Variants in SVOP observed in about 807,000 individuals in gnomAD.
SVOP encodes the protein SV2 related protein, also known as synaptic vesicle 2-related protein.
In SVOP, 17 loss-of-function variants were observed where a neutral mutation model predicts 69.1. That is an observed-to-expected ratio of 0.25 (90% CI 0.17 to 0.37). SVOP has a LOEUF of 0.37. SVOP is among the 10% of genes least tolerant of loss of function. The pLI, the probability that SVOP is intolerant of heterozygous loss-of-function variation, is 1.00. For synonymous variants in SVOP, 238 were observed against 238.6 expected, an observed-to-expected ratio of 1.00 and a Z score of 0.02; for missense variants, 435 against 597.5, an observed-to-expected ratio of 0.73 and a Z score of 2.84.
At chr12:108,919,511 C>A (rs1566047083) in intron 13 of SVOP, among the ~76,000 whole-genome samples, 164 bp downstream of exon 13, 1 of 151,906 alleles carries the variant, frequency 6.6e-6, no homozygotes, top group Non-Finnish European at 1.5e-5. Context: ...GCACTCACAC[C>A]TGTACCTGTA....
intron 10 of SVOP, 36 bp downstream of exon 10, chr12:108,937,228 G>A (rs2137403301): frequency 1.2e-6 from 2 of 1,609,412 alleles, no homozygotes; most frequent in Non-Finnish European, 1.7e-6. Context: ...CACAGGGAGT[G>A]GAAAGGGGTC....
At chr12:108,941,700 C>T (rs148954776) in intron 7 of SVOP, among the ~76,000 whole-genome samples, 124,189 of 151,552 alleles carry the variant, frequency 0.82, 51,030 homozygotes, top group East Asian at 0.96. Flanking sequence ...CTTGCTCTGT[C>T]GCCCAGGCTG....
At chr12:108,927,376 T>C (rs2039786653) in intron 11 of SVOP, among the ~76,000 whole-genome samples, 1 of 152,212 alleles carries the variant, frequency 6.6e-6, no homozygotes, top group African/African-American at 2.4e-5. Flanking sequence ...AAGTCTGTCA[T>C]GTATTAATTT....
Position 108,983,590 on chromosome 12 carries a change from G to A in SVOP, c.196+11C>T, listed in dbSNP as rs1220425895. The A allele has an allele frequency of 2.5e-6, 1 of 398,668 alleles. No homozygotes were observed. Among genetic ancestry groups the A allele is most frequent in the Admixed American group, 4.4e-5 (1 of 22,706 alleles). 24.7% of individuals were successfully genotyped at this position (398,668 alleles called of 1,614,324 possible). A position where few individuals can be genotyped will look rare whatever the true frequency, so the allele number is the denominator to read the frequency against. The stretch of plus-strand genomic sequence containing the variant: ...GCCCAGGCTGATTCCCCAACTGCAG[G>A]GCCCTCTCACCATCAGTGGGATTGG... On this transcript the variant is annotated intron_variant, in intron 2 of 15. Transcript: ENST00000610966.
intron 11 of SVOP, among the ~76,000 whole-genome samples, chr12:108,929,215 C>T (rs1246860930): frequency 1.3e-5 from 2 of 152,232 alleles, no homozygotes; most frequent in Admixed American, 1.3e-4. Context: ...GGGCCTCAGT[C>T]ATAAAACCAG....
At chr12:108,915,202 C>T (rs1277963244) in intron 15 of SVOP, among the ~76,000 whole-genome samples, 2 of 149,860 alleles carry the variant, frequency 1.3e-5, no homozygotes, top group Non-Finnish European at 3.0e-5. Flanking sequence ...CAACTTTTAT[C>T]ATAGATTAAG....
At chr12:108,969,716 T>TCCTTCCTTCC (rs202068520) in intron 5 of SVOP, among the ~76,000 whole-genome samples, 1 of 146,986 alleles carries the variant, frequency 6.8e-6, no homozygotes, top group African/African-American at 2.5e-5. Context: ...CTCCTTTTTT[T>TCCTTCCTTCC]TCCTTCCTTC....
chr12:108,998,820 A>G (rs1325959536), intron 1 of SVOP, among the ~76,000 whole-genome samples: 1 of 151,696 alleles, frequency 6.6e-6, no homozygotes, highest in Non-Finnish European at 1.5e-5. Context: ...AGCGCTAAAC[A>G]TGGAAAGGAA....
chr12:108,957,780 C>T lies in SVOP; in HGVS notation c.578+3143G>A, dbSNP rs141010606. ...ATCTCAGTCACCCACCCAGGTAAAC[C>T]GTCTAGATCAGCGAGAGTGCTCGCT... On this transcript the variant is annotated intron_variant, in intron 6 of 15. Transcript: ENST00000610966. 9.4e-3 allele frequency among the ~76,000 whole-genome samples: 1,435 copies of T among 152,340 alleles called. 10 individuals carry two copies. Among genetic ancestry groups the T allele is most frequent in the South Asian group, 0.021 (101 of 4,828 alleles).
intron 1 of SVOP, among the ~76,000 whole-genome samples, chr12:108,996,247 T>C (rs964588108): frequency 1.3e-5 from 2 of 152,120 alleles, no homozygotes; most frequent in Non-Finnish European, 2.9e-5. Flanking sequence ...AGCTAGGTCC[T>C]CAATACTCAA....
chr12:108,918,027 C>G lies in SVOP; in HGVS notation c.1350+16G>C. Reference sequence around the variant, plus strand: ...CCACTGCCCGTTCCCCAGCAGCTCCCAGACACCCCTCCTACCTCAGGTGTG... The same window carrying G: ...CCACTGCCCGTTCCCCAGCAGCTCCGAGACACCCCTCCTACCTCAGGTGTG... On this transcript the variant is annotated intron_variant, in intron 14 of 15. Transcript: ENST00000610966. 6.4e-7 allele frequency: 1 copy of G among 1,555,266 alleles called. No homozygotes were observed. Among genetic ancestry groups the G allele is most frequent in the East Asian group, 2.4e-5 (1 of 41,990 alleles).
Position 109,009,737 on chromosome 12 carries a change from G to C in SVOP, c.35+11097C>G, listed in dbSNP as rs150160099. ...GCCCTAGAGCAGTGGTTTTCAACCG[G>C]GGCAATTTAGTCTCCTAGGGGCATC... On this transcript the variant is annotated intron_variant, in intron 1 of 15. Coordinates refer to ENST00000610966, the MANE Select transcript of SVOP (RefSeq NM_018711.5). Among the ~76,000 whole-genome samples, 325 of 152,112 alleles carry C rather than the reference G, an allele frequency of 2.1e-3. 1 individual carries two copies. Among genetic ancestry groups the C allele is most frequent in the African/African-American group, 7.7e-3 (320 of 41,528 alleles).
At chr12:108,958,398 T>G (rs970711585) in intron 6 of SVOP, among the ~76,000 whole-genome samples, 1 of 152,090 alleles carries the variant, frequency 6.6e-6, no homozygotes, top group African/African-American at 2.4e-5. Flanking sequence ...TCGAATTGTC[T>G]GCAGTATTTA....
At chr12:109,018,554 A>G (rs2040380800) in intron 1 of SVOP, among the ~76,000 whole-genome samples, 1 of 152,144 alleles carries the variant, frequency 6.6e-6, no homozygotes, top group African/African-American at 2.4e-5. Flanking sequence ...CTCTCGGGAA[A>G]TCTGCTGCCT....
intron 15 of SVOP, among the ~76,000 whole-genome samples, chr12:108,913,174 C>T (rs1050383955): frequency 3.9e-5 from 6 of 152,014 alleles, no homozygotes; most frequent in African/African-American, 7.3e-5. Flanking sequence ...AGGGTTCAAG[C>T]GATTCTCCTC....
At position 108,907,959 on chromosome 12, in the gene SVOP, G is replaced by A. The variant is rs1566043602; in HGVS notation, c.*4576C>T. On this transcript the variant is annotated 3_prime_UTR_variant, in exon 16 of 16. Coordinates refer to ENST00000610966, the MANE Select transcript of SVOP (RefSeq NM_018711.5). ...TCTGCACCACCCTGCTAAAGGGCAG[G>A]CCAATGCCACCGTGTCTGTACCTCT... is the stretch of plus-strand genomic sequence containing the variant. 6.6e-6 allele frequency: 1 copy of A among 152,210 alleles called. No homozygotes were observed. The highest frequency in any genetic ancestry group is 2.1e-4 in the South Asian group (1 of 4,828). 9.4% of individuals were successfully genotyped at this position (152,210 alleles called of 1,614,324 possible).
intron 5 of SVOP, among the ~76,000 whole-genome samples, chr12:108,965,934 C>T (rs1163698521): frequency 1.3e-5 from 2 of 151,676 alleles, no homozygotes; most frequent in Non-Finnish European, 2.9e-5. Flanking sequence ...TCCCTTCCTT[C>T]CTTCCTTCTT....
chr12:108,959,140 A>C (rs1396602130), intron 6 of SVOP, among the ~76,000 whole-genome samples: 1 of 152,076 alleles, frequency 6.6e-6, no homozygotes, highest in Non-Finnish European at 1.5e-5. Flanking sequence ...ATACACTACA[A>C]GGGATCGCCC....
chr12:109,016,521 A>G (rs911038765), intron 1 of SVOP, among the ~76,000 whole-genome samples: 3 of 152,128 alleles, frequency 2.0e-5, no homozygotes, highest in African/African-American at 7.2e-5. Flanking sequence ...CCACTTGTTC[A>G]TTAATGATCT....
Sources: allele counts gnomAD v4.1 joint callset (sites outside exome capture counted in the v4.1 genomes callset), GRCh38; gene constraint gnomAD v4.1.1; transcripts MANE v1.5; gene names NCBI Gene and HGNC (gene_info 2026-07-23, HGNC 2026-07-21).